C1QTNF3: variants seen among roughly 807,000 people sequenced by gnomAD.
C1QTNF3 encodes C1q and TNF related 3.
Under a neutral mutation model 32.6 loss-of-function variants are expected in C1QTNF3, and 26 were observed. The ratio of observed to expected loss-of-function variants is 0.80; its 90% CI spans 0.58 to 1.11. The LOEUF (loss-of-function observed/expected upper bound fraction) is 1.11. Among genes scored for constraint, C1QTNF3 ranks in the 50% least tolerant of loss-of-function variants. The pLI, the probability that C1QTNF3 is intolerant of heterozygous loss-of-function variation, is 0.00. For missense variants in C1QTNF3, 362 were observed against 398.2 expected (o/e 0.91, Z 0.77); for synonymous variants, 155 against 146.0 (o/e 1.06, Z -0.44).
chr5:34,025,703 T>C (rs1295905458), intron 4 of C1QTNF3, among the ~76,000 whole-genome samples: 3 of 152,240 alleles, frequency 2.0e-5, no homozygotes, highest in Non-Finnish European at 2.9e-5. Flanking sequence ...AAGCTGAACG[T>C]CTGGCCCAAG....
At chr5:34,175,662 A>G in the C1QTNF3 span, 3 of 571,890 alleles carry the variant, frequency 5.2e-6, no homozygotes, top group South Asian at 4.1e-5. Flanking sequence ...CCTAAGCACA[A>G]CTTACTTTTC....
the C1QTNF3 span, among the ~76,000 whole-genome samples, chr5:34,221,228 A>G: frequency 6.6e-6 from 1 of 152,110 alleles, no homozygotes; most frequent in African/African-American, 2.4e-5. Flanking sequence ...TATTTATGTC[A>G]TTTCCTATAT....
At chr5:34,153,670 C>G in the C1QTNF3 span, among the ~76,000 whole-genome samples, 2 of 85,724 alleles carry the variant, frequency 2.3e-5, no homozygotes, top group African/African-American at 9.2e-5. Context: ...ATCACATGGA[C>G]ACAGGAAGGG....
the C1QTNF3 span, chr5:34,201,061 G>T: frequency 6.6e-6 from 1 of 151,958 alleles, no homozygotes; most frequent in East Asian, 1.9e-4. Context: ...CTTCTATGTG[G>T]TGATGCTAAG....
At chr5:34,239,262 C>A in the C1QTNF3 span, 2 of 152,038 alleles carry the variant, frequency 1.3e-5, no homozygotes, top group African/African-American at 4.8e-5. Context: ...CAGCTACAAA[C>A]GTGATGATAG....
chr5:34,109,947 A>C, the C1QTNF3 span, among the ~76,000 whole-genome samples: 3 of 152,274 alleles, frequency 2.0e-5, no homozygotes, highest in African/African-American at 7.2e-5. Context: ...CTGACTCAGA[A>C]AGAAAGCCAA....
At chr5:34,107,820 G>A in the C1QTNF3 span, among the ~76,000 whole-genome samples, 1 of 151,978 alleles carries the variant, frequency 6.6e-6, no homozygotes. Context: ...TCTTCACCTT[G>A]TTTCTTTATT....
the C1QTNF3 span, among the ~76,000 whole-genome samples, chr5:34,078,341 A>C: frequency 6.6e-6 from 1 of 151,940 alleles, no homozygotes; most frequent in Non-Finnish European, 1.5e-5. The surrounding 1 kb of genome is among the most constrained non-coding windows in gnomAD (Gnocchi z 4.0). Context: ...AGACACTGAG[A>C]CTGGGTCATT....
the C1QTNF3 span, among the ~76,000 whole-genome samples, chr5:34,171,820 G>A: frequency 6.6e-6 from 1 of 152,178 alleles, no homozygotes; most frequent in African/African-American, 2.4e-5. Context: ...TTACATGATT[G>A]ATAACATTTG....
the C1QTNF3 span, among the ~76,000 whole-genome samples, chr5:34,144,414 C>T: frequency 6.6e-6 from 1 of 152,204 alleles, no homozygotes; most frequent in East Asian, 1.9e-4. Context: ...TTAAACTTGA[C>T]ACTAGACCAA....
intron 1 of C1QTNF3, 63 bp from the exon 2 acceptor site, chr5:34,035,821 ATTTCCAC>A (rs1754723998): frequency 1.4e-5 from 17 of 1,248,622 alleles, no homozygotes; most frequent in Non-Finnish European, 1.9e-5. Flanking sequence ...GGATTTTTAA[ATTTCCAC>A]TGGCCTTGGC....
chr5:34,063,038 G>C, the C1QTNF3 span, among the ~76,000 whole-genome samples: 12 of 152,066 alleles, frequency 7.9e-5, no homozygotes, highest in African/African-American at 2.9e-4. Flanking sequence ...GAAGGCTACG[G>C]GTTGTCGGTG....
At chr5:34,061,288 G>A in the C1QTNF3 span, among the ~76,000 whole-genome samples, 4,840 of 152,290 alleles carry the variant, frequency 0.032, 271 homozygotes, top group African/African-American at 0.11. Flanking sequence ...CTTCACAGCT[G>A]CTTTCATGGG....
chr5:34,110,734 C>T, the C1QTNF3 span, among the ~76,000 whole-genome samples: 2 of 151,904 alleles, frequency 1.3e-5, no homozygotes, highest in East Asian at 1.9e-4. Context: ...CTATCCTCTG[C>T]GGTCCTGGCT....
chr5:34,218,845 T>A, the C1QTNF3 span, among the ~76,000 whole-genome samples: 1 of 151,994 alleles, frequency 6.6e-6, no homozygotes. Context: ...ATGCTTACAT[T>A]AAGCAAAAAA....
the C1QTNF3 span, among the ~76,000 whole-genome samples, chr5:34,120,082 C>T: frequency 6.6e-6 from 1 of 152,106 alleles, no homozygotes; most frequent in Non-Finnish European, 1.5e-5. Flanking sequence ...TTTAATACTA[C>T]CTCAAGTGAA....
At chr5:34,112,346 C>T in the C1QTNF3 span, among the ~76,000 whole-genome samples, 1 of 152,100 alleles carries the variant, frequency 6.6e-6, no homozygotes, top group African/African-American at 2.4e-5. Context: ...CCAACACACA[C>T]CAACATGCTA....
chr5:34,102,919 C>T, the C1QTNF3 span, among the ~76,000 whole-genome samples: 139 of 115,010 alleles, frequency 1.2e-3, 1 homozygote, highest in Non-Finnish European at 2.5e-3. Flanking sequence ...CAACATGGCA[C>T]ATGTATACAT....
the C1QTNF3 span, among the ~76,000 whole-genome samples, chr5:34,124,764 G>A: frequency 6.6e-6 from 1 of 152,158 alleles, no homozygotes; most frequent in Non-Finnish European, 1.5e-5. Flanking sequence ...GGACAAGTGA[G>A]GAAGACTTCC....
Sources: allele counts gnomAD v4.1 joint callset (sites outside exome capture counted in the v4.1 genomes callset), GRCh38; gene constraint gnomAD v4.1.1; non-coding constraint Gnocchi (gnomAD v3.1); transcripts MANE v1.5; gene names NCBI Gene and HGNC (gene_info 2026-07-23, HGNC 2026-07-21).